The following GPHN variants were observed in gnomAD, a reference collection of about 807,000 sequenced individuals.
The protein encoded by GPHN is gephyrin.
Under a neutral mutation model 95.5 loss-of-function variants are expected in GPHN, and 17 were observed. The observed-to-expected ratio is 0.18, with a 90% CI of 0.12 to 0.27. The LOEUF (loss-of-function observed/expected upper bound fraction) is 0.27, where lower values mean the gene tolerates loss of function less well. GPHN is among the 10% of genes least tolerant of loss of function. The probability of loss-of-function intolerance (pLI) is 1.00; values close to 1 mark genes in which losing one functional copy is unlikely to be tolerated. For synonymous variants in GPHN, 320 were observed against 322.5 expected (o/e 0.99, Z 0.08); for missense variants, 660 against 978.1 (o/e 0.67, Z 4.34).
At chr14:67,350,914 T>C in the GPHN span, among the ~76,000 whole-genome samples, 3 of 152,204 alleles carry the variant, frequency 2.0e-5, no homozygotes, top group South Asian at 6.2e-4. Flanking sequence ...AATAAATGCA[T>C]TGAGAAACAG....
intron 5 of GPHN, among the ~76,000 whole-genome samples, chr14:66,881,023 G>A (rs982792653): frequency 6.6e-6 from 1 of 151,902 alleles, no homozygotes; most frequent in Non-Finnish European, 1.5e-5. Context: ...TATCCTGTGT[G>A]TAATATGAAT....
intron 9 of GPHN, among the ~76,000 whole-genome samples, chr14:66,980,240 G>C (rs1232131786): frequency 1.8e-4 from 28 of 152,110 alleles, no homozygotes; most frequent in Admixed American, 1.8e-3. Flanking sequence ...CCTTGAACTT[G>C]TAAAAAATGC....
At chr14:67,629,161 C>T in the GPHN span, among the ~76,000 whole-genome samples, 1 of 152,098 alleles carries the variant, frequency 6.6e-6, no homozygotes, top group African/African-American at 2.4e-5. Context: ...TAGCGAGTCC[C>T]AATCTCCACA....
intron 1 of GPHN, among the ~76,000 whole-genome samples, chr14:66,562,881 T>TTG (rs370465185): frequency 1.3e-4 from 19 of 151,056 alleles, no homozygotes; most frequent in African/African-American, 2.9e-4. Context: ...GTGTGTGTGT[T>TTG]TGTGTGTGTG....
At chr14:66,757,493 G>T (rs572876680) in intron 2 of GPHN, among the ~76,000 whole-genome samples, 3 of 152,112 alleles carry the variant, frequency 2.0e-5, no homozygotes, top group African/African-American at 7.2e-5. Flanking sequence ...GGGTTCAAGC[G>T]ATTCTCCTGC....
chr14:67,336,644 T>C, the GPHN span: 51 of 448,556 alleles, frequency 1.1e-4, no homozygotes, highest in African/African-American at 9.4e-4. Flanking sequence ...AATCAAATCA[T>C]ACTTGACTTG....
At chr14:67,579,490 CA>C in the GPHN span, 1 of 666,256 alleles carries the variant, frequency 1.5e-6, no homozygotes, top group South Asian at 2.3e-5. Flanking sequence ...AAAGGGCCTC[CA>C]AAAGATTGTT....
At chr14:67,147,838 C>T (rs2080989272) in intron 18 of GPHN, among the ~76,000 whole-genome samples, 1 of 152,196 alleles carries the variant, frequency 6.6e-6, no homozygotes, top group Non-Finnish European at 1.5e-5. Context: ...TAACCTAGGG[C>T]AGACTGAGTA....
At chr14:67,192,930 A>C in the GPHN span, among the ~76,000 whole-genome samples, 2 of 146,080 alleles carry the variant, frequency 1.4e-5, no homozygotes, top group Non-Finnish European at 3.0e-5. Flanking sequence ...ATGTATATAT[A>C]GATATCTAGA....
At chr14:67,391,874 C>A in the GPHN span, among the ~76,000 whole-genome samples, 40 of 152,104 alleles carry the variant, frequency 2.6e-4, no homozygotes, top group African/African-American at 9.7e-4. Flanking sequence ...TTCAACCTAC[C>A]GACATGGTGG....
At chr14:67,548,848 A>T in the GPHN span, among the ~76,000 whole-genome samples, 1 of 152,216 alleles carries the variant, frequency 6.6e-6, no homozygotes, top group African/African-American at 2.4e-5. Context: ...TCACCAGCCA[A>T]GGTTTTGGAG....
chr14:67,651,817 G>C, the GPHN span: 1 of 226,298 alleles, frequency 4.4e-6, no homozygotes, highest in Non-Finnish European at 8.8e-6. Flanking sequence ...GCTCAGGATG[G>C]GTCCTGCCCT....
chr14:66,551,823 C>T (rs537245363), intron 1 of GPHN, among the ~76,000 whole-genome samples: 60 of 152,232 alleles, frequency 3.9e-4, no homozygotes, highest in African/African-American at 1.3e-3. Context: ...AACCAGATCT[C>T]GTGAGAACTC....
chr14:67,661,946 G>A, the GPHN span, among the ~76,000 whole-genome samples: 1 of 151,936 alleles, frequency 6.6e-6, no homozygotes, highest in African/African-American at 2.4e-5. Context: ...CATGAGGTCA[G>A]GAGATCGAGA....
In GPHN at chr14:67,021,860, G is replaced by GC. The variant is rs529942105; in HGVS notation, c.964-1772dup. On this transcript the variant is annotated intron_variant, in intron 9 of 22. Coordinates refer to ENST00000478722, the MANE Select transcript of GPHN (RefSeq NM_020806.5). The stretch of plus-strand genomic sequence containing the variant: ...GAGCCACTTTCCATTCGCAAACATT[G>GC]CTTTGCGCTATGGGTTTGGGCTCCT... Among the ~76,000 whole-genome samples, 29 of 152,192 alleles carry GC rather than the reference G, an allele frequency of 1.9e-4. No individual in the cohort carries two copies. In the South Asian group the frequency reaches 6.0e-3, roughly 32 times the overall value.
At chr14:67,595,108 G>C in the GPHN span, among the ~76,000 whole-genome samples, 2 of 151,698 alleles carry the variant, frequency 1.3e-5, no homozygotes, top group Admixed American at 1.3e-4. Context: ...CTGCACTCCA[G>C]CCTGGGTGAC....
chr14:66,579,141 T>TA (rs2061039652), intron 1 of GPHN, among the ~76,000 whole-genome samples: 1 of 151,830 alleles, frequency 6.6e-6, no homozygotes, highest in Admixed American at 6.6e-5. Flanking sequence ...AATAGCCTGT[T>TA]ACAACCGTAA....
the GPHN span, among the ~76,000 whole-genome samples, chr14:67,643,262 C>T: frequency 2.6e-5 from 4 of 152,050 alleles, no homozygotes; most frequent in Non-Finnish European, 5.9e-5. Flanking sequence ...TATATTAAGG[C>T]CTAGATGAAA....
intron 11 of GPHN, among the ~76,000 whole-genome samples, chr14:67,065,561 T>A (rs993902671): frequency 1.3e-5 from 2 of 151,828 alleles, no homozygotes; most frequent in Non-Finnish European, 2.9e-5. Context: ...TGTGTGGGAG[T>A]CGAAGTCTCT....
Sources: allele counts gnomAD v4.1 joint callset (sites outside exome capture counted in the v4.1 genomes callset), GRCh38; gene constraint gnomAD v4.1.1; transcripts MANE v1.5; gene names NCBI Gene and HGNC (gene_info 2026-07-23, HGNC 2026-07-21).